The following HHAT variants were observed in gnomAD, a reference collection of about 807,000 sequenced individuals.
HHAT encodes hedgehog acyltransferase, also known as protein-cysteine N-palmitoyltransferase HHAT.
HHAT carries 47 observed loss-of-function variants against 70.8 expected under a neutral mutation model. That is an observed-to-expected ratio of 0.66 (90% confidence interval 0.53 to 0.85). The LOEUF is 0.85. Ranked by LOEUF, HHAT falls within the 40% of genes least tolerant of loss-of-function variation. HHAT has a pLI of 0.00. For missense variants in HHAT, 609 were observed against 604.8 expected (o/e 1.01, Z -0.07); for synonymous variants, 228 against 247.6 (o/e 0.92, Z 0.74).
chr1:210,538,680 T>C (rs1437909993), intron 9 of HHAT, among the ~76,000 whole-genome samples: 1 of 152,080 alleles, frequency 6.6e-6, no homozygotes, highest in Non-Finnish European at 1.5e-5. Context: ...ATACTAGAGA[T>C]AACTGTAAAA....
chr1:210,527,606 A>G (rs1162154232), intron 9 of HHAT, among the ~76,000 whole-genome samples: 1 of 152,130 alleles, frequency 6.6e-6, no homozygotes, highest in Non-Finnish European at 1.5e-5. Flanking sequence ...AAATAAATAA[A>G]TAAGGGAAAT....
intron 5 of HHAT, 133 bp downstream of exon 5, chr1:210,400,795 CA>C (rs1382139952): frequency 2.5e-6 from 2 of 785,214 alleles, no homozygotes; most frequent in South Asian, 1.9e-5. Flanking sequence ...AGTGGCCGTA[CA>C]GGGTTGCTAC....
intron 8 of HHAT, among the ~76,000 whole-genome samples, chr1:210,480,962 T>A (rs778152721): frequency 1.7e-4 from 26 of 152,196 alleles, no homozygotes; most frequent in Non-Finnish European, 3.4e-4. Context: ...GCAACTGTGC[T>A]TTGTGCTGGG....
intron 8 of HHAT, 43 bp from the exon 9 acceptor site, chr1:210,513,110 A>C (rs1287520786): frequency 8.3e-7 from 1 of 1,210,888 alleles, no homozygotes. Flanking sequence ...CATTACTATA[A>C]ATATCTTTTA....
chr1:210,504,979 A>G (rs543483312), intron 8 of HHAT, among the ~76,000 whole-genome samples: 21 of 148,528 alleles, frequency 1.4e-4, no homozygotes, highest in Admixed American at 2.1e-4. Flanking sequence ...CTCAACTCCA[A>G]CAACCACCTC....
intron 3 of HHAT, among the ~76,000 whole-genome samples, chr1:210,375,265 G>T (rs1164902018): frequency 6.7e-6 from 1 of 150,086 alleles, no homozygotes; most frequent in Non-Finnish European, 1.5e-5. Context: ...AAACCACAAT[G>T]CTTTTAAATA....
Position 210,499,095 on chromosome 1 carries a change from C to G in HHAT, c.1008-14058C>G, listed in dbSNP as rs192358368. Among the ~76,000 whole-genome samples the G allele has an allele frequency of 1.6e-3, 240 of 152,158 alleles. 1 individual carries two copies. Among genetic ancestry groups the G allele is most frequent in the Middle Eastern group, 6.8e-3 (2 of 294 alleles). ...TGCAGTTTATTTTTATTTTTCCTTG[C>G]AGCCTCTGCTGTGCGAATCAGCCTA... On this transcript the variant is annotated intron_variant, in intron 8 of 11. Coordinates refer to ENST00000261458, the MANE Select transcript of HHAT (RefSeq NM_018194.6).
chr1:210,637,732 C>T (rs556271092), intron 11 of HHAT, among the ~76,000 whole-genome samples: 219 of 152,026 alleles, frequency 1.4e-3, no homozygotes, highest in African/African-American at 4.7e-3. Context: ...TGGGGGCACA[C>T]GCCTGTAGTC....
chr1:210,418,039 C>T (rs1046313677), intron 6 of HHAT, 115 bp from the exon 7 acceptor site: 2 of 975,998 alleles, frequency 2.0e-6, no homozygotes, highest in Non-Finnish European at 3.2e-6. Flanking sequence ...CCAAACCAAC[C>T]CTCTGTCAGC....
chr1:210,450,059 C>T (rs1358453111), intron 7 of HHAT, among the ~76,000 whole-genome samples: 1 of 151,998 alleles, frequency 6.6e-6, no homozygotes, highest in African/African-American at 2.4e-5. Context: ...TTTGGGAGGC[C>T]GAGGTGGTTG....
chr1:210,357,250 C>G (rs2087735221), intron 2 of HHAT, among the ~76,000 whole-genome samples: 1 of 152,152 alleles, frequency 6.6e-6, no homozygotes, highest in Non-Finnish European at 1.5e-5. Context: ...TTCAGGAGCA[C>G]TACCTCAAAA....
chr1:210,655,461 A>G (rs1049376617), intron 11 of HHAT, among the ~76,000 whole-genome samples: 1 of 152,128 alleles, frequency 6.6e-6, no homozygotes, highest in Non-Finnish European at 1.5e-5. Flanking sequence ...GCTCCTGCAA[A>G]GTGTAGGAAA....
chr1:210,441,060 C>A (rs1009721808), intron 7 of HHAT, among the ~76,000 whole-genome samples: 1 of 152,216 alleles, frequency 6.6e-6, no homozygotes, highest in African/African-American at 2.4e-5. Context: ...ATGCCACCCC[C>A]TCCTAGTGTA....
At chr1:210,652,535 C>A (rs1675373805) in intron 11 of HHAT, among the ~76,000 whole-genome samples, 1 of 152,180 alleles carries the variant, frequency 6.6e-6, no homozygotes, top group Non-Finnish European at 1.5e-5. Context: ...GTAAACTGCT[C>A]CCAGCCAAGC....
intron 9 of HHAT, among the ~76,000 whole-genome samples, chr1:210,525,982 G>A (rs1013883769): frequency 1.1e-4 from 16 of 152,278 alleles, no homozygotes; most frequent in African/African-American, 3.9e-4. Flanking sequence ...TGCCTTATGC[G>A]GTTGCTGCAT....
At chr1:210,424,596 C>G (rs527591492) in intron 7 of HHAT, among the ~76,000 whole-genome samples, 2 of 151,742 alleles carry the variant, frequency 1.3e-5, no homozygotes, top group South Asian at 2.1e-4. Flanking sequence ...CCTCCTCCCA[C>G]CCTCCACCCC....
chr1:210,660,846 A>G (rs992508785), intron 11 of HHAT, among the ~76,000 whole-genome samples: 14 of 152,340 alleles, frequency 9.2e-5, no homozygotes, highest in African/African-American at 3.4e-4. Context: ...TGGTGCTGGG[A>G]AAACTGGCCA....
intron 9 of HHAT, among the ~76,000 whole-genome samples, chr1:210,552,085 A>C (rs552352816): frequency 7.2e-5 from 11 of 152,304 alleles, no homozygotes; most frequent in Non-Finnish European, 1.5e-4. Context: ...GATTGGCTTG[A>C]GGGTGGCTTT....
chr1:210,661,051 G>A (rs1677590232), intron 11 of HHAT, among the ~76,000 whole-genome samples: 1 of 152,128 alleles, frequency 6.6e-6, no homozygotes, highest in Non-Finnish European at 1.5e-5. Context: ...GGCAACAAAA[G>A]CCAAAATTGA....
Sources: gnomAD v4.1 joint callset for allele counts (sites outside exome capture counted in the v4.1 genomes callset) on GRCh38, gnomAD v4.1.1 for gene constraint, MANE v1.5 for transcripts, NCBI Gene and HGNC (gene_info 2026-07-23, HGNC 2026-07-21) for gene names.